Variants in UNC13C observed in about 807,000 individuals in gnomAD.
UNC13C encodes protein unc-13 homolog C.
UNC13C carries 174 observed loss-of-function variants against 245.4 expected under a neutral mutation model. The ratio of observed to expected loss-of-function variants is 0.71; its 90% CI spans 0.63 to 0.80. The LOEUF is 0.80. UNC13C is among the 30% of genes least tolerant of loss of function. UNC13C has a pLI of 0.00. For missense variants in UNC13C, 2,829 were observed against 2,602.9 expected, an observed-to-expected ratio of 1.09 and a Z score of -1.89; for synonymous variants, 992 against 895.1, an observed-to-expected ratio of 1.11 and a Z score of -1.93.
intron 2 of UNC13C, among the ~76,000 whole-genome samples, chr15:54,044,863 A>G (rs894883229): frequency 6.6e-6 from 1 of 152,046 alleles, no homozygotes; most frequent in African/African-American, 2.4e-5. Flanking sequence ...GGCCATTTGT[A>G]TATCTTCTTT....
chr15:54,607,854 C>G (rs1850993), intron 30 of UNC13C, among the ~76,000 whole-genome samples: 58 of 152,150 alleles, frequency 3.8e-4, no homozygotes, highest in African/African-American at 1.3e-3. Flanking sequence ...CCAATCACCT[C>G]CCACCCGTTC....
the UNC13C span, among the ~76,000 whole-genome samples, chr15:53,938,157 C>A: frequency 6.6e-6 from 1 of 151,382 alleles, no homozygotes; most frequent in East Asian, 1.9e-4. Flanking sequence ...TGCAAAGACA[C>A]ACATAATAAA....
intron 2 of UNC13C, among the ~76,000 whole-genome samples, chr15:54,096,438 C>T (rs1465958333): frequency 6.6e-6 from 1 of 152,028 alleles, no homozygotes; most frequent in East Asian, 1.9e-4. Context: ...GGAGCCTGTT[C>T]TGGAGAAGTG....
At chr15:54,320,059 A>G (rs978586454) in intron 13 of UNC13C, among the ~76,000 whole-genome samples, 1 of 151,992 alleles carries the variant, frequency 6.6e-6, no homozygotes, top group African/African-American at 2.4e-5. Context: ...GTGCTTAGAA[A>G]AGAGAATTGC....
intron 13 of UNC13C, among the ~76,000 whole-genome samples, chr15:54,318,405 G>A (rs565939053): frequency 6.6e-6 from 1 of 151,788 alleles, no homozygotes; most frequent in Non-Finnish European, 1.5e-5. Flanking sequence ...CTTATCTTTT[G>A]GGTAATAGCC....
the UNC13C span, among the ~76,000 whole-genome samples, chr15:53,864,304 C>T: frequency 0.04 from 6,148 of 152,178 alleles, 205 homozygotes; most frequent in Non-Finnish European, 0.065. Flanking sequence ...TATTTTCTTC[C>T]TTTTGCTTAT....
At chr15:53,839,834 T>G in the UNC13C span, among the ~76,000 whole-genome samples, 1 of 152,128 alleles carries the variant, frequency 6.6e-6, no homozygotes, top group African/African-American at 2.4e-5. Flanking sequence ...CCAATTAAAT[T>G]TTGATACGGA....
intron 14 of UNC13C, among the ~76,000 whole-genome samples, chr15:54,326,708 G>A (rs1376616447): frequency 6.6e-6 from 1 of 151,926 alleles, no homozygotes; most frequent in Non-Finnish European, 1.5e-5. Flanking sequence ...GATTGTGGGA[G>A]GAACATATTA....
chr15:54,060,315 A>T (rs1335587979), intron 2 of UNC13C, among the ~76,000 whole-genome samples: 3 of 152,230 alleles, frequency 2.0e-5, no homozygotes, highest in African/African-American at 7.2e-5. Context: ...AAGGATATGA[A>T]CAGACACTTC....
intron 7 of UNC13C, among the ~76,000 whole-genome samples, chr15:54,249,741 G>A (rs975745262): frequency 1.3e-5 from 2 of 152,116 alleles, no homozygotes; most frequent in Admixed American, 1.3e-4. Flanking sequence ...TTATGAATTA[G>A]GTGATAAGAT....
chr15:54,463,234 C>CTGT (rs1179913168), intron 19 of UNC13C, among the ~76,000 whole-genome samples: 5 of 99,324 alleles, frequency 5.0e-5, no homozygotes, highest in African/African-American at 2.0e-4. Flanking sequence ...AATCGGCTCT[C>CTGT]AGTAAAATGG....
chr15:54,143,807 T>A, intron 4 of UNC13C, 123 bp downstream of exon 4: 1 of 618,638 alleles, frequency 1.6e-6, no homozygotes, highest in Non-Finnish European at 2.7e-6. Flanking sequence ...TACTTCATTT[T>A]ACAATAAAGT....
intron 30 of UNC13C, among the ~76,000 whole-genome samples, chr15:54,619,778 T>C (rs148203542): frequency 0.04 from 5,965 of 149,960 alleles, 218 homozygotes; most frequent in Admixed American, 0.12. Flanking sequence ...CAAAGCATTG[T>C]ATTGTATGAA....
At chr15:53,975,111 C>T (rs1595668638), upstream of UNC13C, 1 of 152,142 alleles carries the variant, frequency 6.6e-6, no homozygotes, top group East Asian at 1.9e-4. Context: ...CTTATGTGGC[C>T]TAGTCTCTAA....
intron 30 of UNC13C, among the ~76,000 whole-genome samples, chr15:54,608,518 G>A (rs910756930): frequency 5.9e-5 from 9 of 152,166 alleles, no homozygotes; most frequent in Admixed American, 5.9e-4. Context: ...AGGATGTGAT[G>A]CACTCATTTT....
chr15:54,067,487 A>T (rs1898128424), intron 2 of UNC13C, among the ~76,000 whole-genome samples: 1 of 152,228 alleles, frequency 6.6e-6, no homozygotes, highest in Admixed American at 6.5e-5. Flanking sequence ...TCAGTCAATA[A>T]GTCATGCTGT....
At chr15:54,209,798 G>T (rs2034825239) in intron 4 of UNC13C, among the ~76,000 whole-genome samples, 1 of 152,042 alleles carries the variant, frequency 6.6e-6, no homozygotes, top group Admixed American at 6.6e-5. Flanking sequence ...TACACATTTT[G>T]ATTTTAATGT....
intron 7 of UNC13C, among the ~76,000 whole-genome samples, chr15:54,246,051 A>G (rs1460396520): frequency 6.6e-6 from 1 of 152,186 alleles, no homozygotes; most frequent in Non-Finnish European, 1.5e-5. Context: ...ATGGTCTGAA[A>G]ACACTAGTCA....
At chr15:54,480,719 TATGA>T (rs1415314238) in intron 19 of UNC13C, among the ~76,000 whole-genome samples, 5 of 152,322 alleles carry the variant, frequency 3.3e-5, no homozygotes, top group African/African-American at 1.2e-4. Flanking sequence ...TTTCCTTTTC[TATGA>T]AATTTGTTAC....
Sources: gnomAD v4.1 joint callset for allele counts (sites outside exome capture counted in the v4.1 genomes callset) on GRCh38, gnomAD v4.1.1 for gene constraint, MANE v1.5 for transcripts, NCBI Gene and HGNC (gene_info 2026-07-23, HGNC 2026-07-21) for gene names.